BRD3: variants seen among roughly 807,000 people sequenced by gnomAD.
BRD3 encodes bromodomain-containing protein 3.
BRD3 carries 17 observed loss-of-function variants against 66.8 expected under a neutral mutation model. The ratio of observed to expected loss-of-function variants is 0.25; its 90% CI spans 0.17 to 0.38. The LOEUF is 0.38. Among genes scored for constraint, BRD3 ranks in the 10% least tolerant of loss-of-function variants. BRD3 has a pLI of 1.00. For synonymous variants in BRD3, 421 were observed against 393.2 expected, an observed-to-expected ratio of 1.07 and a Z score of -0.84; for missense variants, 713 against 956.1, an observed-to-expected ratio of 0.75 and a Z score of 3.35.
At chr9:134,035,721 G>A (rs976411022) in intron 10 of BRD3, among the ~76,000 whole-genome samples, 31 of 152,244 alleles carry the variant, frequency 2.0e-4, no homozygotes, top group Admixed American at 1.9e-3. Flanking sequence ...GTTTGGGGCC[G>A]GAGCCCAGCC....
intron 9 of BRD3, among the ~76,000 whole-genome samples, chr9:134,039,348 G>A (rs1829991548): frequency 6.6e-6 from 1 of 152,152 alleles, no homozygotes; most frequent in Admixed American, 6.5e-5. Context: ...TTCCCAACTT[G>A]TTCTTTTTCA....
At chr9:134,051,871 G>GTTTTTTTTTTTTTTTTTTTTTTTTTTTT (rs1564555774) in intron 3 of BRD3, among the ~76,000 whole-genome samples, 162 bp from the exon 4 acceptor site, 1 of 110,506 alleles carries the variant, frequency 9.0e-6, no homozygotes, top group African/African-American at 4.3e-5. Flanking sequence ...GTGTGTGTGT[G>GTTTTTTTTTTTTTTTTTTTTTTTTTTTT]TGTGTGTTGT....
At position 134,036,224 on chromosome 9, in the gene BRD3, G is replaced by C. The variant is rs1186494703; in HGVS notation, c.1744C>G (p.Leu582Val). The C allele has an allele frequency of 1.9e-6, 3 of 1,614,248 alleles. No homozygotes were observed. Among genetic ancestry groups the C allele is most frequent in the Non-Finnish European group, 2.5e-6 (3 of 1,180,046 alleles). ...TCCCCGGGCAGCCGGTTGATGTCCA[G>C]GCTAAGCTGGCGCTTTTCATCGTAG... ...MSYDEKRQLS[L>V]DINRLPGEKL... The change falls in exon 10 of 12, where the codon CTG becomes GTG. Residue 582 changes from leucine (L) to valine (V), a missense_variant. This residue lies in a region of BRD3 where 418 missense variants were observed against 609.3 expected (regional missense o/e 0.69). Coordinates refer to ENST00000303407, the MANE Select transcript of BRD3 (RefSeq NM_007371.4).
At position 134,033,860 on chromosome 9, in the gene BRD3, CA is replaced by C. The variant is rs1165251085; in HGVS notation, c.2066-156del. Among the ~76,000 whole-genome samples, 26 of 151,990 alleles carry C rather than the reference CA, an allele frequency of 1.7e-4. No individual in the cohort carries two copies. Among genetic ancestry groups the C allele is most frequent in the African/African-American group, 5.8e-4 (24 of 41,544 alleles). Reference sequence around the variant, plus strand: ...TTAATAAGTATTTATTGAAATTAATCAGGTCAACAAGACTATCTGAATATAC... The same window carrying C: ...TTAATAAGTATTTATTGAAATTAATCGGTCAACAAGACTATCTGAATATAC... On this transcript the variant is annotated intron_variant, in intron 11 of 11. Transcript: ENST00000303407. This position sits in a 1 kb window ranked among gnomAD's most constrained non-coding sequence, Gnocchi z 5.1.
At chr9:134,062,601 G>A (rs1422390492) in intron 1 of BRD3, among the ~76,000 whole-genome samples, 1 of 151,994 alleles carries the variant, frequency 6.6e-6, no homozygotes, top group Admixed American at 6.6e-5. Flanking sequence ...CCTCTTCCAA[G>A]CTCCGTCCCT....
At chr9:134,057,644 C>G (rs976364772) in intron 1 of BRD3, 1 of 152,318 alleles carries the variant, frequency 6.6e-6, no homozygotes, top group African/African-American at 2.4e-5. Context: ...AGCGCAAAGG[C>G]TTTGGGACAC....
chr9:134,067,673 G>A (rs1830696728), intron 1 of BRD3, among the ~76,000 whole-genome samples: 1 of 146,422 alleles, frequency 6.8e-6, no homozygotes. Flanking sequence ...CCGGGACGGA[G>A]GCGGCCAAGC....
Position 134,065,034 on chromosome 9 carries a change from C to G in BRD3, c.-114+2911G>C, listed in dbSNP as rs573395388. ...GGGTCGGGAAGGCCCAAGGCAGACCCGCAAGTTCCAAAACCTTTTACGGCA... is the reference window on the plus strand; with the variant it reads ...GGGTCGGGAAGGCCCAAGGCAGACCGGCAAGTTCCAAAACCTTTTACGGCA... On this transcript the variant is annotated intron_variant, in intron 1 of 11. Coordinates refer to ENST00000303407, the MANE Select transcript of BRD3 (RefSeq NM_007371.4). Among the ~76,000 whole-genome samples, 6 of 152,354 alleles carry G rather than the reference C, an allele frequency of 3.9e-5. No individual in the cohort carries two copies. In the East Asian group the frequency reaches 5.8e-4, roughly 15 times the overall value.
At chr9:134,067,827 G>A (rs1396253325) in intron 1 of BRD3, 118 bp downstream of exon 1, 3 of 143,732 alleles carry the variant, frequency 2.1e-5, no homozygotes, top group East Asian at 2.1e-4. Context: ...CGGTTCACCC[G>A]GACGCGCCGG....
Position 134,050,490 on chromosome 9 carries a change from G to T in BRD3, c.598C>A (p.Pro200Thr), listed in dbSNP as rs769998169. 1 of 1,610,304 alleles carries T rather than the reference G, an allele frequency of 6.2e-7. No homozygotes were observed. ...ACGTTTGCAGTGATGGTTGGTACAGGGGTGGCAGCGATGACGGGCGTCTGG... is the reference window on the plus strand; with the variant it reads ...ACGTTTGCAGTGATGGTTGGTACAGTGGTGGCAGCGATGACGGGCGTCTGG... ...VSQTPVIAATPVPTITANVTS... is the reference protein window; with the variant it reads ...VSQTPVIAATTVPTITANVTS... The change falls in exon 5 of 12, where the codon CCT becomes ACT. Residue 200 changes from proline (P) to threonine (T), a missense_variant. This residue lies in a region of BRD3 where 120 missense variants were observed against 122.8 expected (regional missense o/e 0.98). Coordinates refer to ENST00000303407, the MANE Select transcript of BRD3 (RefSeq NM_007371.4).
chr9:134,034,014 T>A (rs1260754756), intron 11 of BRD3, among the ~76,000 whole-genome samples: 1 of 152,124 alleles, frequency 6.6e-6, no homozygotes, highest in Non-Finnish European at 1.5e-5. Flanking sequence ...TGCTGGCGTT[T>A]CTGGAGCGCT....
At chr9:134,063,012 C>G (rs1047875138) in intron 1 of BRD3, among the ~76,000 whole-genome samples, 4 of 152,220 alleles carry the variant, frequency 2.6e-5, no homozygotes, top group Non-Finnish European at 4.4e-5. Context: ...CTCCTCTCAG[C>G]CGGCCTGACA....
intron 1 of BRD3, among the ~76,000 whole-genome samples, chr9:134,065,275 T>G (rs1276387379): frequency 6.6e-6 from 1 of 152,010 alleles, no homozygotes; most frequent in Non-Finnish European, 1.5e-5. Context: ...ATACAAAAAA[T>G]TAGCTGGGCG....
Position 134,033,499 on chromosome 9 carries a change from T to G in BRD3, c.*91A>C. 1.6e-6 allele frequency: 1 copy of G among 642,458 alleles called. No individual in the cohort carries two copies. Among genetic ancestry groups the G allele is most frequent in the Non-Finnish European group, 2.9e-6 (1 of 344,956 alleles). 39.8% of individuals were successfully genotyped at this position (642,458 alleles called of 1,614,324 possible). A position where few individuals can be genotyped will look rare whatever the true frequency, so the allele number is the denominator to read the frequency against. On this transcript the variant is annotated 3_prime_UTR_variant, in exon 12 of 12. Transcript: ENST00000303407. This position sits in a 1 kb window ranked among gnomAD's most constrained non-coding sequence, Gnocchi z 5.1. ...AATTAAGAAGCAGACCTGCACACCA[T>G]GGAACAGAAGTAGTAATATGAACCA...
At chr9:134,041,419 C>G (rs1267881950) in intron 8 of BRD3, among the ~76,000 whole-genome samples, 1 of 152,194 alleles carries the variant, frequency 6.6e-6, no homozygotes, top group African/African-American at 2.4e-5. Context: ...GCTTGGAGCC[C>G]AGGCACTACT....
Position 134,048,267 on chromosome 9 carries a change from T to G in BRD3, c.902A>C (p.His301Pro), listed in dbSNP as rs1377693375. The change falls in exon 6 of 12, where the codon CAC becomes CCC. Residue 301 changes from histidine (H) to proline (P), a missense_variant. His to Pro is a moderately conservative substitution (Grantham distance 77). Transcript: ENST00000303407. The part of the protein sequence containing the change: ...KDLEDGEVPQ[H>P]AGKKGKLSEH... ...CGACAGCTTGCCCTTCTTGCCTGCG[T>G]GCTGGGGCACCTCGCCGTCCTCCAG... 6.2e-7 allele frequency: 1 copy of G among 1,609,768 alleles called. No individual in the cohort carries two copies. Among genetic ancestry groups the G allele is most frequent in the Non-Finnish European group, 8.5e-7 (1 of 1,178,824 alleles).
Position 134,065,330 on chromosome 9 carries a change from A to T in BRD3, c.-114+2615T>A, listed in dbSNP as rs530245746. On this transcript the variant is annotated intron_variant, in intron 1 of 11. Coordinates refer to ENST00000303407, the MANE Select transcript of BRD3 (RefSeq NM_007371.4). ...TCCCAGCTACTTGGGAGGCTGAAGC[A>T]GGAGAATTGCTAGAACCCGGGAGGT... 3.3e-5 allele frequency among the ~76,000 whole-genome samples: 5 copies of T among 152,260 alleles called. No individual in the cohort carries two copies. The East Asian group carries it at 9.7e-4, about 29-fold the overall frequency.
intron 4 of BRD3, among the ~76,000 whole-genome samples, chr9:134,051,316 G>A (rs752454076): frequency 1.3e-5 from 2 of 152,230 alleles, no homozygotes; most frequent in African/African-American, 2.4e-5. Context: ...GATCCTCCTA[G>A]ACCATGAGCT....
At position 134,040,046 on chromosome 9, in the gene BRD3, G is replaced by T. The variant is rs761713178; in HGVS notation, c.1631C>A (p.Thr544Asn). Reference sequence around the variant, plus strand: ...GTCTGGAGCCCACCTGCCGGCCGTGGTCGTGCTGTTGGCCTTCTTGGCAGG... The same window carrying T: ...GTCTGGAGCCCACCTGCCGGCCGTGTTCGTGCTGTTGGCCTTCTTGGCAGG... ...KAPAKKANST[T>N]TAGRQLKKGG... Residue 544 changes from threonine (T) to asparagine (N), a missense_variant, in exon 9 of 12, where the codon ACC (threonine) becomes AAC (asparagine). Thr to Asn is a moderately conservative substitution (Grantham distance 65, BLOSUM62 0). Coordinates refer to ENST00000303407, the MANE Select transcript of BRD3 (RefSeq NM_007371.4). 1.3e-6 allele frequency: 2 copies of T among 1,591,682 alleles called. No homozygotes were observed. The highest frequency in any genetic ancestry group is 2.7e-5 in the African/African-American group (2 of 74,770).
Sources: allele counts gnomAD v4.1 joint callset (sites outside exome capture counted in the v4.1 genomes callset), GRCh38; gene constraint gnomAD v4.1.1; regional missense constraint gnomAD v4.1.1; non-coding constraint Gnocchi (gnomAD v3.1); transcripts MANE v1.5; gene names NCBI Gene and HGNC (gene_info 2026-07-23, HGNC 2026-07-21).